MAF: variants seen among roughly 807,000 people sequenced by gnomAD.
The protein encoded by MAF is MAF bZIP transcription factor, also known as transcription factor Maf.
Under a neutral mutation model 22.0 loss-of-function variants are expected in MAF, and 10 were observed. The ratio of observed to expected loss-of-function variants is 0.45; its 90% CI spans 0.28 to 0.77. The LOEUF (loss-of-function observed/expected upper bound fraction) is 0.77, where lower values mean the gene tolerates loss of function less well. MAF is among the 30% of genes least tolerant of loss of function. The pLI is 0.12. For synonymous variants in MAF, 337 were observed against 255.8 expected, an observed-to-expected ratio of 1.32 and a Z score of -3.03; for missense variants, 544 against 548.4, an observed-to-expected ratio of 0.99 and a Z score of 0.08.
the MAF span, among the ~76,000 whole-genome samples, chr16:79,256,487 G>T: frequency 6.6e-6 from 1 of 152,178 alleles, no homozygotes; most frequent in Non-Finnish European, 1.5e-5. Flanking sequence ...CCATGATTCA[G>T]TGTTCTCTCT....
the MAF span, among the ~76,000 whole-genome samples, chr16:79,527,060 C>T: frequency 2.6e-5 from 4 of 152,208 alleles, no homozygotes; most frequent in African/African-American, 9.6e-5. Context: ...AACTCCAACA[C>T]ACCAGTGCTG....
chr16:79,501,268 T>C, the MAF span, among the ~76,000 whole-genome samples: 5 of 152,204 alleles, frequency 3.3e-5, no homozygotes, highest in African/African-American at 1.2e-4. Flanking sequence ...TTTCCCTCTG[T>C]ATCTGTCTTT....
At chr16:79,343,246 C>T in the MAF span, among the ~76,000 whole-genome samples, 2 of 152,000 alleles carry the variant, frequency 1.3e-5, no homozygotes, top group African/African-American at 2.4e-5. Context: ...CAACCCCCCC[C>T]CAAAAAAATC....
the MAF span, among the ~76,000 whole-genome samples, chr16:79,233,166 C>G: frequency 6.6e-6 from 1 of 151,910 alleles, no homozygotes; most frequent in African/African-American, 2.4e-5. Context: ...AATGACTACC[C>G]GTGCAGGTTT....
the MAF span, among the ~76,000 whole-genome samples, chr16:79,225,665 TA>T: frequency 6.6e-6 from 1 of 151,850 alleles, no homozygotes; most frequent in African/African-American, 2.4e-5. Context: ...ACAAAGAACT[TA>T]AACAAATTTA....
the MAF span, among the ~76,000 whole-genome samples, chr16:79,493,051 G>A: frequency 3.3e-5 from 5 of 151,870 alleles, no homozygotes; most frequent in Non-Finnish European, 7.4e-5. Flanking sequence ...CTCATCTCAA[G>A]GGTTCAAGCA....
the MAF span, among the ~76,000 whole-genome samples, chr16:79,381,593 G>T: frequency 1.3e-5 from 2 of 152,276 alleles, no homozygotes; most frequent in African/African-American, 4.8e-5. Context: ...CCCATTCCTG[G>T]CCCTGGGAGA....
the MAF span, among the ~76,000 whole-genome samples, chr16:79,532,190 T>C: frequency 1.3e-5 from 2 of 152,198 alleles, no homozygotes; most frequent in African/African-American, 4.8e-5. Flanking sequence ...CAGTAGTGCA[T>C]GGTTCTCCAA....
At chr16:79,592,259 G>A (rs1913232199), downstream of MAF, among the ~76,000 whole-genome samples, 4 of 152,172 alleles carry the variant, frequency 2.6e-5, no homozygotes, top group South Asian at 8.3e-4. Flanking sequence ...CCAATTTGTG[G>A]CAGGACTGTG....
chr16:79,383,123 T>G, the MAF span, among the ~76,000 whole-genome samples: 4 of 152,180 alleles, frequency 2.6e-5, no homozygotes, highest in African/African-American at 7.2e-5. Flanking sequence ...CTGGAGAAAT[T>G]TGAACCATTG....
the MAF span, among the ~76,000 whole-genome samples, chr16:79,428,646 C>T: frequency 6.6e-6 from 1 of 151,950 alleles, no homozygotes; most frequent in Non-Finnish European, 1.5e-5. Context: ...TTGAGACCAG[C>T]CTGAGCAACT....
chr16:79,561,421 T>C, the MAF span, among the ~76,000 whole-genome samples: 1 of 151,726 alleles, frequency 6.6e-6, no homozygotes, highest in Non-Finnish European at 1.5e-5. Context: ...ACCCATTAAC[T>C]CGTCATTTAC....
chr16:79,398,631 C>G, the MAF span, among the ~76,000 whole-genome samples: 1 of 152,110 alleles, frequency 6.6e-6, no homozygotes, highest in Admixed American at 6.5e-5. Context: ...TTGTGTCTAT[C>G]TGTATGTGTG....
At chr16:79,371,513 C>T in the MAF span, among the ~76,000 whole-genome samples, 1 of 152,186 alleles carries the variant, frequency 6.6e-6, no homozygotes. Flanking sequence ...GACCCATCCC[C>T]TGACTGCCTT....
the MAF span, among the ~76,000 whole-genome samples, chr16:79,242,648 GACAGAAA>G: frequency 1.3e-5 from 2 of 151,932 alleles, no homozygotes; most frequent in Non-Finnish European, 2.9e-5. Context: ...AGATCAATGA[GACAGAAA>G]ATTAACAAGG....
the MAF span, among the ~76,000 whole-genome samples, chr16:79,484,477 C>A: frequency 6.6e-6 from 1 of 152,218 alleles, no homozygotes. Context: ...AATCACAGGG[C>A]TGAGTCCTTA....
the MAF span, among the ~76,000 whole-genome samples, chr16:79,303,856 C>T: frequency 5.3e-5 from 8 of 152,238 alleles, no homozygotes; most frequent in South Asian, 1.0e-3. Flanking sequence ...TCAAAGACTC[C>T]TGTAATTTAT....
At chr16:79,454,945 A>C in the MAF span, among the ~76,000 whole-genome samples, 1 of 152,064 alleles carries the variant, frequency 6.6e-6, no homozygotes, top group African/African-American at 2.4e-5. Context: ...AAAAATACAA[A>C]ATAAGCCATG....
the MAF span, among the ~76,000 whole-genome samples, chr16:79,333,187 CTT>C: frequency 2.6e-5 from 4 of 152,148 alleles, no homozygotes; most frequent in Admixed American, 2.6e-4. Flanking sequence ...TGCGTTGTCT[CTT>C]TGGCTCGCTG....
Sources: allele counts gnomAD v4.1 joint callset (sites outside exome capture counted in the v4.1 genomes callset), GRCh38; gene constraint gnomAD v4.1.1; transcripts MANE v1.5; gene names NCBI Gene and HGNC (gene_info 2026-07-23, HGNC 2026-07-21).